The following DISP1 variants were observed in gnomAD, a reference collection of about 807,000 sequenced individuals.
DISP1 encodes protein dispatched homolog 1.
A neutral mutation model predicts 37.3 loss-of-function variants in DISP1; 30 were observed. The observed-to-expected ratio is 0.80, with a 90% confidence interval of 0.60 to 1.09. The LOEUF (loss-of-function observed/expected upper bound fraction) is 1.09. DISP1 is among the 50% of genes least tolerant of loss of function. The pLI is 0.00. For synonymous variants in DISP1, 634 were observed against 690.2 expected (o/e 0.92, Z 1.28); for missense variants, 1,598 against 1,879.5 (o/e 0.85, Z 2.77).
chr1:222,873,314 A>G (rs1325092230), intron 1 of DISP1, among the ~76,000 whole-genome samples: 2 of 152,126 alleles, frequency 1.3e-5, no homozygotes, highest in Non-Finnish European at 2.9e-5. Flanking sequence ...GCTGAGTTCA[A>G]TTCCTGGATA....
intron 1 of DISP1, among the ~76,000 whole-genome samples, chr1:222,864,696 C>G (rs1669078725): frequency 6.6e-6 from 1 of 152,178 alleles, no homozygotes; most frequent in African/African-American, 2.4e-5. Flanking sequence ...GAGTTTGGCA[C>G]ATTTTTCACA....
chr1:223,003,290 A>T lies in DISP1; in HGVS notation c.1893A>T (p.Arg631=), dbSNP rs772670665. 1 of 1,614,160 alleles carries T rather than the reference A, an allele frequency of 6.2e-7. No individual in the cohort carries two copies. The highest frequency in any genetic ancestry group is 1.1e-5 in the South Asian group (1 of 91,086). Residue 631 remains arginine (R), a synonymous_variant, in exon 9 of 9, where the codon CGA becomes CGT. Coordinates refer to ENST00000675850, the MANE Select transcript of DISP1 (RefSeq NM_001377229.1). The surrounding 1 kb of genome is among the most constrained non-coding windows in gnomAD (Gnocchi z 4.3). ...ANYVSNITAI[R]CFGVYAGTAI... is the part of the protein sequence containing the mutation. ...ATGTTAGCAACATTACAGCAATCCG[A>T]TGCTTTGGGGTTTATGCGGGGACAG...
intron 1 of DISP1, among the ~76,000 whole-genome samples, chr1:222,857,682 A>G (rs555912471): frequency 5.8e-4 from 88 of 152,326 alleles, no homozygotes; most frequent in African/African-American, 1.9e-3. Context: ...CCCATTCACA[A>G]TTGCTACAAA....
intron 2 of DISP1, among the ~76,000 whole-genome samples, chr1:222,936,749 T>TC (rs58801080): frequency 4.1e-5 from 3 of 73,024 alleles, no homozygotes; most frequent in Non-Finnish European, 2.5e-5. Context: ...TTATATATCA[T>TC]ATATATGATA....
chr1:222,824,130 A>G (rs1663673762), intron 1 of DISP1, among the ~76,000 whole-genome samples: 1 of 152,096 alleles, frequency 6.6e-6, no homozygotes, highest in Admixed American at 6.6e-5. Flanking sequence ...TAATTTGTGA[A>G]ACTTATTTTA....
chr1:222,855,086 G>T (rs543973486), intron 1 of DISP1, among the ~76,000 whole-genome samples: 25 of 152,124 alleles, frequency 1.6e-4, no homozygotes, highest in Non-Finnish European at 3.4e-4. Context: ...GGAAAACAAA[G>T]AACTTTGAAT....
At chr1:222,917,478 T>G (rs1035756132) in intron 1 of DISP1, among the ~76,000 whole-genome samples, 1 of 152,198 alleles carries the variant, frequency 6.6e-6, no homozygotes, top group Non-Finnish European at 1.5e-5. Context: ...AGCAGCAATA[T>G]AAGGTCAGTG....
At chr1:222,998,963 C>T (rs945537436) in intron 8 of DISP1, among the ~76,000 whole-genome samples, 7 of 152,116 alleles carry the variant, frequency 4.6e-5, no homozygotes, top group African/African-American at 7.2e-5. Context: ...GTTGGTTACG[C>T]GTGGAGGAGG....
chr1:222,902,334 C>T (rs1163452454), intron 1 of DISP1, among the ~76,000 whole-genome samples: 1 of 152,160 alleles, frequency 6.6e-6, no homozygotes, highest in African/African-American at 2.4e-5. Context: ...TTGAATGTGT[C>T]GCAGAGATTC....
At chr1:222,879,773 C>T (rs1454728237) in intron 1 of DISP1, among the ~76,000 whole-genome samples, 1 of 151,966 alleles carries the variant, frequency 6.6e-6, no homozygotes, top group African/African-American at 2.4e-5. Context: ...ACATACATTA[C>T]TACATTAAAA....
At chr1:222,818,811 C>A (rs539639684) in intron 1 of DISP1, among the ~76,000 whole-genome samples, 2 of 152,282 alleles carry the variant, frequency 1.3e-5, no homozygotes, top group South Asian at 4.2e-4. Flanking sequence ...ATAGCAACAC[C>A]TAAATTGGTG....
rs373240614 is a variant in DISP1, at chr1:222,839,421, C to G, written c.-159+24343C>G. 7.2e-5 allele frequency among the ~76,000 whole-genome samples: 11 copies of G among 152,290 alleles called. No individual in the cohort carries two copies. In the East Asian group the frequency reaches 1.5e-3, roughly 21 times the overall value. On this transcript the variant is annotated intron_variant, in intron 1 of 8. Coordinates refer to ENST00000675850, the MANE Select transcript of DISP1 (RefSeq NM_001377229.1). ...CTGGTGCCAAAAAGATTAGGCACCACTTATCTATAGCCTTTTCTCTTGGGC... is the reference window on the plus strand; with the variant it reads ...CTGGTGCCAAAAAGATTAGGCACCAGTTATCTATAGCCTTTTCTCTTGGGC...
Position 223,004,222 on chromosome 1 carries a change from A to T in DISP1, c.2825A>T (p.Gln942Leu). Residue 942 changes from glutamine (Q) to leucine (L), a missense_variant, in exon 9 of 9, where the codon CAG becomes CTG. Gln to Leu is a moderately radical substitution (Grantham distance 113). Transcript: ENST00000675850. The surrounding 1 kb of genome is among the most constrained non-coding windows in gnomAD (Gnocchi z 4.9). The part of the protein sequence containing the change: ...LFTLAYEKMH[Q>L]FYKEVDSWIS... ...ACACTGGCTTATGAAAAGATGCATCAGTTTTATAAAGAGGTGGACTCGTGG... is the reference window on the plus strand; with the variant it reads ...ACACTGGCTTATGAAAAGATGCATCTGTTTTATAAAGAGGTGGACTCGTGG... 1 of 1,614,146 alleles carries T rather than the reference A, an allele frequency of 6.2e-7. No individual in the cohort carries two copies. Among genetic ancestry groups the T allele is most frequent in the Non-Finnish European group, 8.5e-7 (1 of 1,180,016 alleles).
chr1:222,994,056 C>T lies in DISP1; in HGVS notation c.890-829C>T, dbSNP rs1019968439. ...TTTATGTGGTTCATATTCTTTAATA[C>T]GTGGTTCATATTGTTTCTGTTCTGA... On this transcript the variant is annotated intron_variant, in intron 7 of 8. Coordinates refer to ENST00000675850, the MANE Select transcript of DISP1 (RefSeq NM_001377229.1). 2.6e-5 allele frequency among the ~76,000 whole-genome samples: 4 copies of T among 152,074 alleles called. No individual in the cohort carries two copies. In the South Asian group the frequency reaches 6.2e-4, roughly 24 times the overall value.
At chr1:222,970,206 T>A (rs775331144) in intron 3 of DISP1, among the ~76,000 whole-genome samples, 4,343 of 152,310 alleles carry the variant, frequency 0.029, 78 homozygotes, top group Middle Eastern at 0.068. Context: ...CGTTATTTCC[T>A]ACAGTGTGAC....
intron 2 of DISP1, among the ~76,000 whole-genome samples, chr1:222,939,243 T>C (rs1240977349): frequency 2.0e-5 from 3 of 151,988 alleles, no homozygotes; most frequent in Non-Finnish European, 4.4e-5. Flanking sequence ...GATGATTAGG[T>C]CCCCAGCTGG....
intron 2 of DISP1, among the ~76,000 whole-genome samples, chr1:222,936,823 TATATATAA>T (rs1238815273): frequency 0.075 from 1,867 of 24,814 alleles, 98 homozygotes; most frequent in East Asian, 0.15. Flanking sequence ...TTATATATAA[TATATATAA>T]ATTATATATA....
At chr1:222,916,087 A>G (rs893997714) in intron 1 of DISP1, among the ~76,000 whole-genome samples, 3 of 152,222 alleles carry the variant, frequency 2.0e-5, no homozygotes, top group Non-Finnish European at 4.4e-5. Flanking sequence ...CAAAAGTGTA[A>G]TGATCCTGGC....
intron 7 of DISP1, among the ~76,000 whole-genome samples, chr1:222,993,138 T>C (rs1372753028): frequency 1.3e-5 from 2 of 152,098 alleles, no homozygotes; most frequent in Admixed American, 1.3e-4. Context: ...AGTGCTGGGA[T>C]TACAGGCATG....
Sources: gnomAD v4.1 joint callset for allele counts (sites outside exome capture counted in the v4.1 genomes callset) on GRCh38, gnomAD v4.1.1 for gene constraint, Gnocchi (gnomAD v3.1) non-coding constraint, MANE v1.5 for transcripts, NCBI Gene and HGNC (gene_info 2026-07-23, HGNC 2026-07-21) for gene names.